EFCAB6: variants seen among roughly 807,000 people sequenced by gnomAD.
The protein encoded by EFCAB6 is EF-hand calcium binding domain 6.
In EFCAB6, 156 loss-of-function variants were observed where a neutral mutation model predicts 169.8. The observed-to-expected ratio is 0.92, with a 90% CI of 0.81 to 1.05. The LOEUF is 1.05. Among genes scored for constraint, EFCAB6 ranks in the 50% least tolerant of loss-of-function variants. The pLI is 0.00. For missense variants in EFCAB6, 1,800 were observed against 1,829.1 expected, an observed-to-expected ratio of 0.98 and a Z score of 0.29; for synonymous variants, 698 against 676.4, an observed-to-expected ratio of 1.03 and a Z score of -0.50.
At chr22:43,540,014 G>A (rs1328303532) in intron 28 of EFCAB6, 113 bp downstream of exon 28, 14 of 1,185,004 alleles carry the variant, frequency 1.2e-5, no homozygotes, top group Middle Eastern at 5.3e-4. Flanking sequence ...AGACTCACCC[G>A]TCTTCTCAGC....
intron 17 of EFCAB6, among the ~76,000 whole-genome samples, chr22:43,641,494 C>G (rs1177802730): frequency 6.6e-6 from 1 of 151,622 alleles, no homozygotes. Context: ...CAGGCACCTG[C>G]AATCCCAGCT....
At chr22:43,794,264 C>T (rs898268033) in intron 2 of EFCAB6, among the ~76,000 whole-genome samples, 1 of 152,224 alleles carries the variant, frequency 6.6e-6, no homozygotes, top group Non-Finnish European at 1.5e-5. Context: ...CTAGCAATAA[C>T]CGAGCATCTA....
At chr22:43,597,915 T>C (rs2052146475) in intron 23 of EFCAB6, among the ~76,000 whole-genome samples, 1 of 152,148 alleles carries the variant, frequency 6.6e-6, no homozygotes, top group Admixed American at 6.5e-5. Flanking sequence ...AAAATCGTCA[T>C]TCACAGCAAG....
intron 10 of EFCAB6, among the ~76,000 whole-genome samples, chr22:43,696,569 G>A (rs756817485): frequency 2.0e-4 from 31 of 152,188 alleles, no homozygotes; most frequent in East Asian, 7.7e-4. Context: ...ACTGGTGAGC[G>A]TATAAACAAA....
At chr22:43,600,021 G>A (rs749669997) in intron 23 of EFCAB6, 48 bp downstream of exon 23, 4 of 1,571,152 alleles carry the variant, frequency 2.5e-6, no homozygotes, top group Admixed American at 3.7e-5. Context: ...GAGGCCAGAT[G>A]TAAAAGGGGA....
At chr22:43,784,686 C>T (rs867789679) in intron 2 of EFCAB6, among the ~76,000 whole-genome samples, 6,344 of 111,096 alleles carry the variant, frequency 0.057, 513 homozygotes, top group Middle Eastern at 0.13. Context: ...TACACACACA[C>T]ACACACACAC....
At chr22:43,636,609 CTTTTTTT>C (rs907909699) in intron 17 of EFCAB6, among the ~76,000 whole-genome samples, 5 of 126,300 alleles carry the variant, frequency 4.0e-5, no homozygotes, top group Admixed American at 3.9e-4. Context: ...CAGTTCTTTT[CTTTTTTT>C]TTTTTTTTTT....
chr22:43,555,926 G>A (rs2048678558), intron 26 of EFCAB6, among the ~76,000 whole-genome samples: 1 of 152,256 alleles, frequency 6.6e-6, no homozygotes, highest in Non-Finnish European at 1.5e-5. Flanking sequence ...AAGAGGGCTT[G>A]TGGCCAGGTG....
At chr22:43,690,343 C>CAAAAAATAA (rs2058363001) in intron 10 of EFCAB6, among the ~76,000 whole-genome samples, 1 of 95,862 alleles carries the variant, frequency 1.0e-5, no homozygotes, top group Non-Finnish European at 2.0e-5. Flanking sequence ...ACTAAAAATA[C>CAAAAAATAA]AAAAAAAAAA....
Position 43,635,099 on chromosome 22 carries a change from T to C in EFCAB6, c.2098+3A>G, listed in dbSNP as rs773779594. The C allele has an allele frequency of 1.2e-6, 2 of 1,613,756 alleles. No homozygotes were observed. Among genetic ancestry groups the C allele is most frequent in the Non-Finnish European group, 1.7e-6 (2 of 1,179,678 alleles). ...ACAGGGTGTGGACTTGGCCATTAGC[T>C]ACCTTCAAATCCTGCTGCAAAATCA... On this transcript the variant is annotated splice_donor_region_variant and intron_variant, in intron 18 of 31. Coordinates refer to ENST00000262726, the MANE Select transcript of EFCAB6 (RefSeq NM_022785.4).
At chr22:43,587,640 A>G (rs1048975545) in intron 24 of EFCAB6, among the ~76,000 whole-genome samples, 4 of 152,194 alleles carry the variant, frequency 2.6e-5, no homozygotes, top group African/African-American at 9.7e-5. Flanking sequence ...CTGTGATGGC[A>G]TTGAAGGCCC....
chr22:43,752,206 C>T (rs938037475), intron 6 of EFCAB6, among the ~76,000 whole-genome samples: 3 of 150,814 alleles, frequency 2.0e-5, no homozygotes, highest in African/African-American at 7.3e-5. Flanking sequence ...CAACCTCTGC[C>T]TCCTGGATCC....
At chr22:43,770,897 T>C in intron 4 of EFCAB6, among the ~76,000 whole-genome samples, 1 of 141,650 alleles carries the variant, frequency 7.1e-6, no homozygotes, top group Non-Finnish European at 1.5e-5. Context: ...AAACAACAAA[T>C]AGAACTGTAC....
intron 6 of EFCAB6, among the ~76,000 whole-genome samples, chr22:43,736,981 C>T (rs2060164399): frequency 6.6e-6 from 1 of 152,060 alleles, no homozygotes; most frequent in East Asian, 1.9e-4. Flanking sequence ...CCTCCACACT[C>T]CTCCATGCCT....
intron 13 of EFCAB6, among the ~76,000 whole-genome samples, chr22:43,672,704 A>G (rs1216537258): frequency 1.3e-5 from 2 of 152,098 alleles, no homozygotes; most frequent in African/African-American, 4.8e-5. Context: ...GAGAATTTTC[A>G]CCCTCAGGAG....
At chr22:43,738,594 ATCAC>A (rs1488610984) in intron 6 of EFCAB6, among the ~76,000 whole-genome samples, 2 of 151,554 alleles carry the variant, frequency 1.3e-5, no homozygotes, top group East Asian at 3.9e-4. Flanking sequence ...CACACACACC[ATCAC>A]TCACACACAT....
intron 29 of EFCAB6, chr22:43,535,940 C>A (rs964244782): frequency 3.9e-5 from 6 of 152,190 alleles, no homozygotes; most frequent in African/African-American, 1.4e-4. Flanking sequence ...GGAACTGGCC[C>A]ATACATGCCT....
chr22:43,774,643 G>C (rs55641321), intron 3 of EFCAB6, among the ~76,000 whole-genome samples: 1 of 151,472 alleles, frequency 6.6e-6, no homozygotes, highest in Non-Finnish European at 1.5e-5. Context: ...CAGGGAGCAC[G>C]GGAGACCTAA....
intron 13 of EFCAB6, among the ~76,000 whole-genome samples, chr22:43,673,272 C>T (rs1335742160): frequency 1.3e-5 from 2 of 152,092 alleles, no homozygotes; most frequent in African/African-American, 2.4e-5. Flanking sequence ...GTACTTTATA[C>T]ATATCATTCT....
Sources: gnomAD v4.1 joint callset for allele counts (sites outside exome capture counted in the v4.1 genomes callset) on GRCh38, gnomAD v4.1.1 for gene constraint, MANE v1.5 for transcripts, NCBI Gene and HGNC (gene_info 2026-07-23, HGNC 2026-07-21) for gene names.